Variants in ARHGAP10 observed in about 807,000 individuals in gnomAD.
ARHGAP10 encodes the protein rho GTPase-activating protein 10.
Under a neutral mutation model 108.6 loss-of-function variants are expected in ARHGAP10, and 87 were observed. The observed-to-expected ratio is 0.80, with a 90% CI of 0.67 to 0.96. The LOEUF is 0.96. Among genes scored for constraint, ARHGAP10 ranks in the 40% least tolerant of loss-of-function variants. The pLI is 0.00. For missense variants in ARHGAP10, 939 were observed against 954.5 expected, an observed-to-expected ratio of 0.98 and a Z score of 0.21; for synonymous variants, 347 against 341.1, an observed-to-expected ratio of 1.02 and a Z score of -0.19.
At chr4:148,037,200 C>T (rs539862113) in intron 19 of ARHGAP10, among the ~76,000 whole-genome samples, 1 of 152,182 alleles carries the variant, frequency 6.6e-6, no homozygotes, top group Non-Finnish European at 1.5e-5. Context: ...AGTAAGAAAT[C>T]ATAAGCTGTT....
At chr4:147,753,805 A>G (rs988434566) in intron 1 of ARHGAP10, among the ~76,000 whole-genome samples, 11 of 152,220 alleles carry the variant, frequency 7.2e-5, no homozygotes, top group Non-Finnish European at 1.3e-4. Context: ...GAAAATTTAC[A>G]TTGGGATGAG....
At chr4:147,823,259 T>C (rs1389479701) in intron 3 of ARHGAP10, among the ~76,000 whole-genome samples, 3 of 152,192 alleles carry the variant, frequency 2.0e-5, no homozygotes, top group Non-Finnish European at 4.4e-5. Context: ...CTTTAATTTA[T>C]GTAGGCTCTC....
At chr4:148,059,598 G>A (rs1729512671) in intron 20 of ARHGAP10, among the ~76,000 whole-genome samples, 1 of 151,950 alleles carries the variant, frequency 6.6e-6, no homozygotes, top group African/African-American at 2.4e-5. Context: ...TCCCAAAGAT[G>A]TTCTTTGGGA....
At chr4:147,775,901 C>T (rs968305726) in intron 1 of ARHGAP10, among the ~76,000 whole-genome samples, 25 of 152,158 alleles carry the variant, frequency 1.6e-4, no homozygotes, top group Non-Finnish European at 7.4e-5. Flanking sequence ...TGTTATTTGA[C>T]CCTTCCCACA....
At chr4:147,897,432 G>C (rs2126894720) in intron 10 of ARHGAP10, among the ~76,000 whole-genome samples, 1 of 151,978 alleles carries the variant, frequency 6.6e-6, no homozygotes, top group East Asian at 1.9e-4. Flanking sequence ...ATACGTATGG[G>C]CTTAAATCTG....
chr4:147,900,084 A>G (rs1736174818), intron 10 of ARHGAP10, among the ~76,000 whole-genome samples: 1 of 152,116 alleles, frequency 6.6e-6, no homozygotes. Context: ...GTAATCTGTC[A>G]CTTAAAACAC....
chr4:147,989,307 T>G (rs1338636265), intron 18 of ARHGAP10, among the ~76,000 whole-genome samples: 2 of 152,232 alleles, frequency 1.3e-5, no homozygotes, highest in Non-Finnish European at 2.9e-5. Flanking sequence ...GAAACGAAAT[T>G]AAAATTGCTA....
intron 17 of ARHGAP10, among the ~76,000 whole-genome samples, chr4:147,965,338 G>T (rs900851408): frequency 6.6e-6 from 1 of 152,120 alleles, no homozygotes; most frequent in African/African-American, 2.4e-5. Flanking sequence ...CAGCAACTCA[G>T]GGTTTGATTT....
At chr4:148,002,982 C>T (rs1406478681) in intron 18 of ARHGAP10, among the ~76,000 whole-genome samples, 2 of 152,056 alleles carry the variant, frequency 1.3e-5, no homozygotes, top group East Asian at 1.9e-4. Context: ...GCTCTTGCTT[C>T]TCTAGTTCTT....
chr4:147,851,072 C>G (rs1021415386), intron 4 of ARHGAP10, among the ~76,000 whole-genome samples: 3 of 152,112 alleles, frequency 2.0e-5, no homozygotes, highest in African/African-American at 7.2e-5. Context: ...ATGCAACTAA[C>G]TGGATTGAGA....
chr4:147,881,941 T>C lies in ARHGAP10; in HGVS notation c.1034+9T>C. Reference sequence around the variant, plus strand: ...ATAGAAGCTGCTGATCGGTAAGTTATTGGAATTATTGGACATGGTGAAAGA... The same window carrying C: ...ATAGAAGCTGCTGATCGGTAAGTTACTGGAATTATTGGACATGGTGAAAGA... On this transcript the variant is annotated intron_variant, in intron 10 of 22. Coordinates refer to ENST00000336498, the MANE Select transcript of ARHGAP10 (RefSeq NM_024605.4). 1.2e-6 allele frequency: 2 copies of C among 1,611,206 alleles called. No homozygotes were observed. The highest frequency in any genetic ancestry group is 1.1e-5 in the South Asian group (1 of 90,434).
At chr4:147,766,784 T>C (rs1729836764) in intron 1 of ARHGAP10, among the ~76,000 whole-genome samples, 1 of 139,924 alleles carries the variant, frequency 7.1e-6, no homozygotes, top group African/African-American at 2.8e-5. Flanking sequence ...TCATATATAT[T>C]CATACATATA....
chr4:147,913,169 G>A (rs759451636), intron 13 of ARHGAP10, 30 bp downstream of exon 13: 3 of 1,585,966 alleles, frequency 1.9e-6, no homozygotes, highest in East Asian at 2.2e-5. Flanking sequence ...TCATTCATGA[G>A]AGGCTATAGG....
intron 13 of ARHGAP10, among the ~76,000 whole-genome samples, chr4:147,926,638 C>CT (rs1737470629): frequency 1.3e-5 from 2 of 152,092 alleles, no homozygotes; most frequent in Admixed American, 1.3e-4. Flanking sequence ...TTTTGAGTGT[C>CT]TAAGTCAAGA....
chr4:147,907,147 T>A (rs1736529627), intron 11 of ARHGAP10, among the ~76,000 whole-genome samples: 1 of 152,172 alleles, frequency 6.6e-6, no homozygotes, highest in South Asian at 2.1e-4. Context: ...CAATTTAAAG[T>A]TTCATCTAGT....
At chr4:147,784,444 GTT>G (rs1410316448) in intron 1 of ARHGAP10, among the ~76,000 whole-genome samples, 2 of 118,368 alleles carry the variant, frequency 1.7e-5, no homozygotes, top group Admixed American at 1.0e-4. Flanking sequence ...TAATATATAA[GTT>G]ATATATGATA....
intron 1 of ARHGAP10, 134 bp downstream of exon 1, chr4:147,732,589 C>T: frequency 7.7e-7 from 1 of 1,296,460 alleles, no homozygotes; most frequent in Non-Finnish European, 1.0e-6. Context: ...CGGACCAGCC[C>T]AGCTCTCTCG....
intron 1 of ARHGAP10, among the ~76,000 whole-genome samples, chr4:147,779,935 A>G (rs1026973088): frequency 3.9e-5 from 6 of 152,180 alleles, no homozygotes; most frequent in African/African-American, 1.4e-4. Flanking sequence ...TTACACCCTT[A>G]TAGTCTTGCC....
At chr4:147,842,812 C>T (rs879362506) in intron 3 of ARHGAP10, among the ~76,000 whole-genome samples, 7 of 152,174 alleles carry the variant, frequency 4.6e-5, no homozygotes, top group Admixed American at 2.0e-4. Context: ...TAGAAACACT[C>T]GCCTGGGATG....
Sources: allele counts gnomAD v4.1 joint callset (sites outside exome capture counted in the v4.1 genomes callset), GRCh38; gene constraint gnomAD v4.1.1; transcripts MANE v1.5; gene names NCBI Gene and HGNC (gene_info 2026-07-23, HGNC 2026-07-21).